DDX43: variants seen among roughly 807,000 people sequenced by gnomAD.
DDX43 encodes the protein probable ATP-dependent RNA helicase DDX43.
Under a neutral mutation model 84.9 loss-of-function variants are expected in DDX43, and 50 were observed. The ratio of observed to expected loss-of-function variants is 0.59; its 90% CI spans 0.47 to 0.75. DDX43 has a LOEUF of 0.75. DDX43 is among the 30% of genes least tolerant of loss of function. DDX43 has a pLI of 0.00. For missense variants in DDX43, 689 were observed against 798.6 expected (o/e 0.86, Z 1.65); for synonymous variants, 291 against 266.3 (o/e 1.09, Z -0.90).
At chr6:73,412,400 A>T in intron 11 of DDX43, 108 bp downstream of exon 11, 1 of 755,792 alleles carries the variant, frequency 1.3e-6, no homozygotes, top group Non-Finnish European at 2.2e-6. Flanking sequence ...GGCAAATCAC[A>T]CTTGCATATA....
intron 11 of DDX43, among the ~76,000 whole-genome samples, chr6:73,412,994 C>T (rs1057503830): frequency 1.3e-5 from 2 of 152,174 alleles, no homozygotes; most frequent in Admixed American, 6.5e-5. Context: ...TCCCAAAGTG[C>T]TGGGATTACA....
At position 73,395,113 on chromosome 6, in the gene DDX43, CTG is replaced by C; in HGVS notation, c.212_213del (p.Cys71PhefsTer62). The C allele has an allele frequency of 6.2e-7, 1 of 1,614,060 alleles. No individual in the cohort carries two copies. Among genetic ancestry groups the C allele is most frequent in the Non-Finnish European group, 8.5e-7 (1 of 1,179,932 alleles). ...AVAAGHEELP[L>X]CFALKSHFVG... Reference sequence around the variant, plus strand: ...GGCCGCTGGTCACGAGGAACTGCCGCTGTGTTTTGCTTTGAAGAGCCACTTTG... The same window carrying C: ...GGCCGCTGGTCACGAGGAACTGCCGCTGTTTTGCTTTGAAGAGCCACTTTG... On this transcript the variant is annotated frameshift_variant, in exon 1 of 17. Coordinates refer to ENST00000370336, the MANE Select transcript of DDX43 (RefSeq NM_018665.3). LOFTEE classifies it high-confidence loss of function.
rs1769882754 is a variant in DDX43, at chr6:73,415,377, T to G, written c.1746-120T>G. 10 of 582,776 alleles carry G rather than the reference T, an allele frequency of 1.7e-5. No individual in the cohort carries two copies. In the East Asian group the frequency reaches 3.0e-4, roughly 18 times the overall value. The allele number at this position is 582,776 out of a possible 1,614,324, so 36.1% of individuals were successfully genotyped here. A position where few individuals can be genotyped will look rare whatever the true frequency, so the allele number is the denominator to read the frequency against. On this transcript the variant is annotated intron_variant, in intron 14 of 16. Transcript: ENST00000370336. ...CTGTTTAAACCACAGCAGATTTAGA[T>G]TCCAAATCTGTTTGACCCTAAATCT...
chr6:73,395,432 C>G (rs1337776336), intron 1 of DDX43, among the ~76,000 whole-genome samples: 3 of 152,024 alleles, frequency 2.0e-5, no homozygotes, highest in Non-Finnish European at 4.4e-5. Context: ...TGGCAAAACC[C>G]TGTCTCTACT....
intron 2 of DDX43, chr6:73,398,128 TGA>T (rs763138048): frequency 6.2e-6 from 1 of 160,880 alleles, no homozygotes; most frequent in Non-Finnish European, 1.3e-5. Context: ...TAATTTCTGC[TGA>T]GTTATTAACA....
At chr6:73,413,826 T>C (rs1562286565) in intron 12 of DDX43, 41 bp downstream of exon 12, 1 of 1,587,724 alleles carries the variant, frequency 6.3e-7, no homozygotes, top group Admixed American at 1.8e-5. Context: ...ATTAATTAAA[T>C]TGATTAGGAT....
intron 16 of DDX43, among the ~76,000 whole-genome samples, chr6:73,416,854 CG>C (rs1165970211): frequency 6.6e-6 from 1 of 152,144 alleles, no homozygotes; most frequent in East Asian, 1.9e-4. Flanking sequence ...ACCTGGCCAA[CG>C]TGGCAAAACC....
chr6:73,409,480 A>G, intron 10 of DDX43, 132 bp downstream of exon 10: 2 of 733,224 alleles, frequency 2.7e-6, no homozygotes, highest in Non-Finnish European at 4.7e-6. Flanking sequence ...ATCTCATAAC[A>G]TTGGAAGTAG....
At chr6:73,416,692 A>T (rs953053847) in intron 16 of DDX43, among the ~76,000 whole-genome samples, 1 of 152,220 alleles carries the variant, frequency 6.6e-6, no homozygotes, top group African/African-American at 2.4e-5. Context: ...GTTACCAAGG[A>T]CTTGGAAAGT....
rs1473900953 is a variant in DDX43 at position 73,412,660 on chromosome 6, T to C, written c.1368+368T>C. The stretch of plus-strand genomic sequence containing the variant: ...TATAGTGTGTGTGTGTGTGTGTGTG[T>C]GTGTGTGTGCGCGCGCGCGTGTGTG... On this transcript the variant is annotated intron_variant, in intron 11 of 16. Coordinates refer to ENST00000370336, the MANE Select transcript of DDX43 (RefSeq NM_018665.3). Among the ~76,000 whole-genome samples the C allele has an allele frequency of 1.4e-3, 127 of 89,692 alleles. 3 individuals carry two copies. The highest frequency in any genetic ancestry group is 4.5e-3 in the African/African-American group (113 of 25,286). 58.8% of individuals were successfully genotyped at this position (89,692 alleles called of 152,430 possible). A position where few individuals can be genotyped will look rare whatever the true frequency, so the allele number is the denominator to read the frequency against.
intron 9 of DDX43, among the ~76,000 whole-genome samples, 162 bp downstream of exon 9, chr6:73,408,263 C>T (rs1309382304): frequency 1.3e-5 from 2 of 151,842 alleles, no homozygotes; most frequent in South Asian, 2.1e-4. Flanking sequence ...GATGAAACTC[C>T]GTCTCTACTA....
Position 73,400,292 on chromosome 6 carries a change from C to T in DDX43, c.365C>T (p.Thr122Met), listed in dbSNP as rs1453070751. The change falls in exon 3 of 17, where the codon ACG (threonine) becomes ATG (methionine). Residue 122 changes from threonine to methionine, a missense_variant. Physicochemically the swap from Thr to Met is moderately conservative, Grantham distance 81. Around this residue, in one of 2 missense-constraint regions of DDX43, gnomAD observed 552 missense variants for 692.7 expected, o/e 0.80. Coordinates refer to ENST00000370336, the MANE Select transcript of DDX43 (RefSeq NM_018665.3). The stretch of plus-strand genomic sequence containing the variant: ...ATTTTTGGCAGCAAGGCAATGCAAA[C>T]GAAAGCAAAAGCAGTGATAGACAAT... ...VKIFGSKAMQ[T>M]KAKAVIDNFV... The T allele has an allele frequency of 6.8e-6, 11 of 1,608,822 alleles. No homozygotes were observed. In the East Asian group the frequency reaches 1.3e-4, roughly 20 times the overall value.
At chr6:73,414,105 T>C in intron 13 of DDX43, 26 bp downstream of exon 13, 1 of 1,426,594 alleles carries the variant, frequency 7.0e-7, no homozygotes. Flanking sequence ...TAGTATTTCA[T>C]ACAGTTTAAA....
chr6:73,414,632 T>G lies in DDX43; in HGVS notation c.1691T>G (p.Phe564Cys), dbSNP rs776530069. Residue 564 changes from phenylalanine (F) to cysteine (C), a missense_variant, in exon 14 of 17, where the codon TTT (phenylalanine) becomes TGT (cysteine). Transcript: ENST00000370336. ...HDVTHVYNFD[F>C]PRNIEEYVHR... is the part of the protein sequence containing the mutation. ...GTTACACATGTCTATAATTTTGACT[T>G]TCCACGGAATATTGAAGAATACGTA... is the stretch of plus-strand genomic sequence containing the variant. 1.2e-6 allele frequency: 2 copies of G among 1,613,928 alleles called. No individual in the cohort carries two copies. The highest frequency in any genetic ancestry group is 2.7e-5 in the African/African-American group (2 of 74,896).
intron 11 of DDX43, 33 bp from the exon 12 acceptor site, chr6:73,413,625 A>G: frequency 6.2e-7 from 1 of 1,603,508 alleles, no homozygotes; most frequent in Non-Finnish European, 8.5e-7. Flanking sequence ...AATCATGATG[A>G]CCTTGATGAA....
Position 73,407,012 on chromosome 6 carries a change from C to T in DDX43, c.927-493C>T, listed in dbSNP as rs118165696. 108 of 153,774 alleles carry T rather than the reference C, an allele frequency of 7.0e-4. 2 individuals carry two copies. In the East Asian group the frequency reaches 0.018, roughly 26 times the overall value. The allele number at this position is 153,774 out of a possible 1,614,324, so 9.5% of individuals were successfully genotyped here. ...TGTAATATCAGCCATTTTTTAGGTA[C>T]GTAGATCATAATTAGCAAAGTCTGT... On this transcript the variant is annotated intron_variant, in intron 7 of 16. Coordinates refer to ENST00000370336, the MANE Select transcript of DDX43 (RefSeq NM_018665.3).
chr6:73,395,122 G>A lies in DDX43; in HGVS notation c.217G>A (p.Ala73Thr). 2 of 1,613,932 alleles carry A rather than the reference G, an allele frequency of 1.2e-6. No individual in the cohort carries two copies. Among genetic ancestry groups the A allele is most frequent in the East Asian group, 4.5e-5 (2 of 44,864 alleles). The change falls in exon 1 of 17, where the codon GCT (alanine) becomes ACT (threonine). Residue 73 changes from alanine to threonine, a missense_variant. By Grantham distance (58) the Ala-to-Thr change is moderately conservative. Coordinates refer to ENST00000370336, the MANE Select transcript of DDX43 (RefSeq NM_018665.3). ...TCACGAGGAACTGCCGCTGTGTTTT[G>A]CTTTGAAGAGCCACTTTGTTGGCGC... ...AGHEELPLCF[A>T]LKSHFVGAVI...
chr6:73,397,863 C>A, intron 2 of DDX43, 119 bp downstream of exon 2: 2 of 863,094 alleles, frequency 2.3e-6, no homozygotes, highest in South Asian at 1.5e-5. Flanking sequence ...AGTGCAGTGA[C>A]GTGATATCAG....
At chr6:73,398,488 G>A (rs1769513072) in intron 2 of DDX43, among the ~76,000 whole-genome samples, 1 of 152,118 alleles carries the variant, frequency 6.6e-6, no homozygotes, top group East Asian at 1.9e-4. Flanking sequence ...CTGACCTCGG[G>A]TGATCCGCCC....
Sources: allele counts gnomAD v4.1 joint callset (sites outside exome capture counted in the v4.1 genomes callset), GRCh38; gene constraint gnomAD v4.1.1; regional missense constraint gnomAD v4.1.1; transcripts MANE v1.5; gene names NCBI Gene and HGNC (gene_info 2026-07-23, HGNC 2026-07-21).